Variants in TMEM181 observed in about 807,000 individuals in gnomAD.
TMEM181 encodes G protein-coupled receptor 178.
In TMEM181, 39 loss-of-function variants were observed where a neutral mutation model predicts 71.9. That is an observed-to-expected ratio of 0.54 (90% CI 0.42 to 0.71). The LOEUF (loss-of-function observed/expected upper bound fraction) is 0.71, where lower values mean the gene tolerates loss of function less well. Among genes scored for constraint, TMEM181 ranks in the 30% least tolerant of loss-of-function variants. The pLI is 0.00. For synonymous variants in TMEM181, 245 were observed against 228.8 expected, an observed-to-expected ratio of 1.07 and a Z score of -0.64; for missense variants, 595 against 583.0, an observed-to-expected ratio of 1.02 and a Z score of -0.21.
intron 14 of TMEM181, 51 bp downstream of exon 14, chr6:158,628,541 C>T: frequency 1.3e-6 from 2 of 1,541,046 alleles, no homozygotes; most frequent in Middle Eastern, 1.8e-4. Flanking sequence ...CTTAGCATTG[C>T]AGCAGTTAGT....
At chr6:158,578,950 A>G (rs183138649) in intron 2 of TMEM181, among the ~76,000 whole-genome samples, 1 of 152,340 alleles carries the variant, frequency 6.6e-6, no homozygotes, top group East Asian at 1.9e-4. Context: ...CCGTGTATAT[A>G]CTCAAGAGAT....
In TMEM181 at chr6:158,628,451, G is replaced by A; in HGVS notation, c.1153G>A (p.Asp385Asn). 2 of 1,614,204 alleles carry A rather than the reference G, an allele frequency of 1.2e-6. No homozygotes were observed. Among genetic ancestry groups the A allele is most frequent in the Non-Finnish European group, 1.7e-6 (2 of 1,180,034 alleles). The change falls in exon 14 of 17, where the codon GAC (aspartate) becomes AAC (asparagine). Residue 385 changes from aspartate (D) to asparagine (N), a missense_variant. Physicochemically the swap from Asp to Asn is conservative, Grantham distance 23. Coordinates refer to ENST00000684151, the MANE Select transcript of TMEM181 (RefSeq NM_001376852.1). ...GAGATTTGGGGCGCAAGTACTACAA[G>A]ACAATTTTGTAGCAGAGCTGTCAAC... ...YLRFGAQVLQ[D>N]NFVAELSTHY...
intron 11 of TMEM181, among the ~76,000 whole-genome samples, chr6:158,624,445 G>C (rs1236787544): frequency 6.6e-6 from 1 of 152,238 alleles, no homozygotes; most frequent in Non-Finnish European, 1.5e-5. Flanking sequence ...GGATGGCGTG[G>C]GCCGGAGCCA....
intron 6 of TMEM181, among the ~76,000 whole-genome samples, chr6:158,604,166 G>A (rs1009683436): frequency 6.6e-6 from 1 of 152,118 alleles, no homozygotes; most frequent in Non-Finnish European, 1.5e-5. Flanking sequence ...CTGTGGATTC[G>A]GGCCAGCCCT....
chr6:158,556,351 G>A (rs550615075), upstream of TMEM181, among the ~76,000 whole-genome samples: 5 of 152,250 alleles, frequency 3.3e-5, no homozygotes, highest in East Asian at 3.9e-4. Context: ...TCCTTTTCCC[G>A]ATTCCATTTC....
intron 15 of TMEM181, among the ~76,000 whole-genome samples, chr6:158,630,671 C>G (rs1167761556): frequency 6.6e-6 from 1 of 151,472 alleles, no homozygotes; most frequent in African/African-American, 2.4e-5. Flanking sequence ...AGGACATAAC[C>G]CCATCGTAAG....
Position 158,580,873 on chromosome 6 carries a change from T to C in TMEM181, c.113-67T>C, listed in dbSNP as rs548929983. ...GTAATGTGTGAGTCTTTCTTGGAAT[T>C]TGGAAAAAAATACTAAATTATCAAT... On this transcript the variant is annotated intron_variant, in intron 2 of 16. Coordinates refer to ENST00000684151, the MANE Select transcript of TMEM181 (RefSeq NM_001376852.1). 1.6e-5 allele frequency: 24 copies of C among 1,476,154 alleles called. No individual in the cohort carries two copies. The African/African-American group carries it at 3.3e-4, about 20-fold the overall frequency. The allele number at this position is 1,476,154 out of a possible 1,614,324, so 91.4% of individuals were successfully genotyped here.
chr6:158,628,606 T>C (rs1583061105), intron 14 of TMEM181, 116 bp downstream of exon 14: 1 of 834,142 alleles, frequency 1.2e-6, no homozygotes, highest in Non-Finnish European at 1.9e-6. Context: ...CGCCCTGTTC[T>C]CCGGAGGCCT....
chr6:158,591,686 A>G (rs1300393385), intron 6 of TMEM181, among the ~76,000 whole-genome samples: 1 of 152,096 alleles, frequency 6.6e-6, no homozygotes, highest in Admixed American at 6.6e-5. Context: ...TCAACAGTGC[A>G]GACAAACAAG....
chr6:158,605,249 C>T lies in TMEM181; in HGVS notation c.493-18C>T. 2 of 1,602,540 alleles carry T rather than the reference C, an allele frequency of 1.2e-6. No individual in the cohort carries two copies. The highest frequency in any genetic ancestry group is 4.5e-5 in the East Asian group (2 of 44,672). ...ATATATATTTTTTTCAAATTGTTTT[C>T]TCCACTTTCTATTTTAGTGGAAGAC... is the stretch of plus-strand genomic sequence containing the variant. On this transcript the variant is annotated intron_variant, in intron 6 of 16. Coordinates refer to ENST00000684151, the MANE Select transcript of TMEM181 (RefSeq NM_001376852.1).
At chr6:158,560,372 G>A (rs1453269813) in intron 1 of TMEM181, 140 bp downstream of exon 1, 1 of 962,110 alleles carries the variant, frequency 1.0e-6, no homozygotes, top group Non-Finnish European at 1.2e-6. Flanking sequence ...GGGCGCTGAA[G>A]GGGGCTTCGC....
chr6:158,540,442 A>C (rs576040134), intron 1 of TMEM181, among the ~76,000 whole-genome samples: 43 of 152,352 alleles, frequency 2.8e-4, no homozygotes, highest in African/African-American at 1.0e-3. Flanking sequence ...CACAGGTTGT[A>C]ATACTCCTAA....
chr6:158,603,113 A>G (rs891787850), intron 6 of TMEM181, among the ~76,000 whole-genome samples: 4 of 152,108 alleles, frequency 2.6e-5, no homozygotes, highest in East Asian at 1.9e-4. Flanking sequence ...TTTTCATCAA[A>G]TCGGAAACAT....
rs764421405 is a variant in TMEM181 at position 158,629,033 on chromosome 6, G to A, written c.1192+543G>A. 2.0e-5 allele frequency among the ~76,000 whole-genome samples: 3 copies of A among 152,292 alleles called. No homozygotes were observed. In the Middle Eastern group the frequency reaches 0.01, roughly 518 times the overall value. ...TAGGGAAGAGCTCAGAAAATACTGGGACCCCCTTCGATTCCCGCTGTGCCT... is the reference window on the plus strand; with the variant it reads ...TAGGGAAGAGCTCAGAAAATACTGGAACCCCCTTCGATTCCCGCTGTGCCT... On this transcript the variant is annotated intron_variant, in intron 14 of 16. Transcript: ENST00000684151.
chr6:158,562,443 T>C (rs1782237502), intron 1 of TMEM181, among the ~76,000 whole-genome samples: 1 of 136,000 alleles, frequency 7.4e-6, no homozygotes, highest in African/African-American at 3.1e-5. Flanking sequence ...AATAAGGCTG[T>C]TTTTGTGTGT....
At chr6:158,630,594 C>T (rs779786645) in intron 15 of TMEM181, among the ~76,000 whole-genome samples, 4 of 152,042 alleles carry the variant, frequency 2.6e-5, no homozygotes, top group Non-Finnish European at 5.9e-5. Flanking sequence ...CTGCAATGTT[C>T]GGTGCCTTAG....
intron 6 of TMEM181, among the ~76,000 whole-genome samples, chr6:158,601,758 G>GA (rs796451394): frequency 0.042 from 4,035 of 95,890 alleles, 180 homozygotes; most frequent in African/African-American, 0.13. Flanking sequence ...GACTGTCTCA[G>GA]AAAAAAAAAA....
chr6:158,590,186 T>C (rs1784027175), intron 6 of TMEM181, among the ~76,000 whole-genome samples: 1 of 152,086 alleles, frequency 6.6e-6, no homozygotes, highest in Non-Finnish European at 1.5e-5. Flanking sequence ...ATCTCCCCTT[T>C]CCACTCATTA....
At chr6:158,547,191 A>G (rs778291633) in intron 1 of TMEM181, among the ~76,000 whole-genome samples, 2 of 152,152 alleles carry the variant, frequency 1.3e-5, no homozygotes, top group African/African-American at 2.4e-5. Flanking sequence ...CTGAGGTGGG[A>G]GGGTTATCTG....
Sources: gnomAD v4.1 joint callset for allele counts (sites outside exome capture counted in the v4.1 genomes callset) on GRCh38, gnomAD v4.1.1 for gene constraint, MANE v1.5 for transcripts, NCBI Gene and HGNC (gene_info 2026-07-23, HGNC 2026-07-21) for gene names.